The following FBRSL1 variants were observed in gnomAD, a reference collection of about 807,000 sequenced individuals.
The protein encoded by FBRSL1 is fibrosin-1-like protein.
A neutral mutation model predicts 89.6 loss-of-function variants in FBRSL1; 51 were observed. The observed-to-expected ratio is 0.57, with a 90% CI of 0.45 to 0.72. The LOEUF (loss-of-function observed/expected upper bound fraction) is 0.72, where lower values mean the gene tolerates loss of function less well. Ranked by LOEUF, FBRSL1 falls within the 30% of genes least tolerant of loss-of-function variation. The probability of loss-of-function intolerance (pLI) is 0.00; values close to 1 mark genes in which losing one functional copy is unlikely to be tolerated. For missense variants in FBRSL1, 1,618 were observed against 1,451.8 expected, an observed-to-expected ratio of 1.11 and a Z score of -1.86; for synonymous variants, 779 against 681.1, an observed-to-expected ratio of 1.14 and a Z score of -2.24.
intron 15 of FBRSL1, among the ~76,000 whole-genome samples, chr12:132,577,962 G>A (rs1170671591): frequency 6.6e-6 from 1 of 152,226 alleles, no homozygotes; most frequent in Non-Finnish European, 1.5e-5. Flanking sequence ...CGTGAAGCAT[G>A]AGCATCCACA....
intron 15 of FBRSL1, 120 bp downstream of exon 15, chr12:132,577,051 C>G: frequency 7.5e-7 from 1 of 1,337,880 alleles, no homozygotes; most frequent in Non-Finnish European, 1.0e-6. Context: ...GCCTTTGCTT[C>G]TTGATGCTCA....
In FBRSL1 at chr12:132,583,125, C is replaced by G. The variant is rs560489798; in HGVS notation, c.2356C>G (p.Arg786Gly). 301 of 1,460,938 alleles carry G rather than the reference C, an allele frequency of 2.1e-4. 3 individuals are homozygous for G. The South Asian group carries it at 2.7e-3, about 13-fold the overall frequency. 90.5% of individuals were successfully genotyped at this position (1,460,938 alleles called of 1,614,324 possible). A position where few individuals can be genotyped will look rare whatever the true frequency, so the allele number is the denominator to read the frequency against. Residue 786 changes from arginine to glycine, a missense_variant, in exon 19 of 19, where the codon CGC becomes GGC. Arg to Gly is a moderately radical substitution (Grantham distance 125, BLOSUM62 -2). Transcript: ENST00000680143. ...GGCCGAACCTCGGGTCAAGGAGAGC[C>G]GCTCCCCGGCCAAGGAGGAGGCCGC... The part of the protein sequence containing the change: ...REAEPRVKES[R>G]SPAKEEAAKM...
intron 2 of FBRSL1, among the ~76,000 whole-genome samples, chr12:132,517,332 G>A (rs1046988523): frequency 6.6e-6 from 1 of 152,218 alleles, no homozygotes; most frequent in Non-Finnish European, 1.5e-5. Context: ...TGAGCACCTG[G>A]GCCTAGCAGG....
Position 132,560,787 on chromosome 12 carries a change from C to G in FBRSL1, c.646-6694C>G, listed in dbSNP as rs556710852. On this transcript the variant is annotated intron_variant, in intron 5 of 18. Transcript: ENST00000680143. ...AGCCTGCGGACCCGGAGTCCTCCCA[C>G]CTGTACCCTGGGCTTGAGTGATCCT... is the stretch of plus-strand genomic sequence containing the variant. Among the ~76,000 whole-genome samples the G allele has an allele frequency of 5.9e-5, 9 of 152,362 alleles. No homozygotes were observed. In the East Asian group the frequency reaches 1.5e-3, roughly 26 times the overall value.
chr12:132,566,100 T>C (rs10870469), intron 5 of FBRSL1: 77,758 of 151,590 alleles, frequency 0.51, 20,542 homozygotes, highest in East Asian at 0.85. Flanking sequence ...GGCCCAGTTC[T>C]GCAGCAGACA....
intron 5 of FBRSL1, among the ~76,000 whole-genome samples, chr12:132,558,264 G>A (rs1391239504): frequency 1.3e-5 from 2 of 152,204 alleles, no homozygotes; most frequent in African/African-American, 4.8e-5. Context: ...CTTCCCAGGG[G>A]AGTGTCCCTG....
Position 132,546,059 on chromosome 12 carries a change from C to A in FBRSL1, c.616-1944C>A, listed in dbSNP as rs2037659998. 6.6e-6 allele frequency among the ~76,000 whole-genome samples: 1 copy of A among 152,234 alleles called. No homozygotes were observed. Among genetic ancestry groups the A allele is most frequent in the Non-Finnish European group, 1.5e-5 (1 of 68,052 alleles). ...ACAGTCTCGGCTCCTGCTTTGCCCT[C>A]TTCCGGTCCCCTCAGCCCTGGCGTG... On this transcript the variant is annotated intron_variant, in intron 4 of 18. Transcript: ENST00000680143. The surrounding 1 kb of genome is among the most constrained non-coding windows in gnomAD (Gnocchi z 4.0).
At chr12:132,579,060 C>T (rs2040574370) in intron 15 of FBRSL1, among the ~76,000 whole-genome samples, 1 of 151,458 alleles carries the variant, frequency 6.6e-6, no homozygotes, top group African/African-American at 2.4e-5. Context: ...GCCTCCCCTT[C>T]CCTCCTCTGG....
In FBRSL1 at chr12:132,583,314, G is replaced by C; in HGVS notation, c.2545G>C (p.Gly849Arg). 2.5e-6 allele frequency: 3 copies of C among 1,192,460 alleles called. No homozygotes were observed. Among genetic ancestry groups the C allele is most frequent in the Non-Finnish European group, 3.1e-6 (3 of 960,272 alleles). The allele number at this position is 1,192,460 out of a possible 1,614,324, so 73.9% of individuals were successfully genotyped here. ...GLGRERLGAP[G>R]FAWEPFRGLE... The stretch of plus-strand genomic sequence containing the variant: ...GGGCCGCGAGCGCCTGGGCGCGCCG[G>C]GCTTCGCGTGGGAGCCTTTCCGCGG... The change falls in exon 19 of 19, where the codon GGC (glycine) becomes CGC (arginine). Residue 849 changes from glycine (G) to arginine (R), a missense_variant. Transcript: ENST00000680143.
At chr12:132,521,930 G>C (rs1277170938) in intron 2 of FBRSL1, among the ~76,000 whole-genome samples, 1 of 152,200 alleles carries the variant, frequency 6.6e-6, no homozygotes, top group Non-Finnish European at 1.5e-5. Flanking sequence ...GGCGGGTCTG[G>C]GGAGCAGGTG....
intron 4 of FBRSL1, among the ~76,000 whole-genome samples, chr12:132,541,026 T>TG (rs1244878886): frequency 6.7e-6 from 1 of 150,048 alleles, no homozygotes; most frequent in Non-Finnish European, 1.5e-5. Flanking sequence ...ACTGTGAGCC[T>TG]GGGGGGCAGA....
chr12:132,571,169 C>G lies in FBRSL1; in HGVS notation c.1315C>G (p.Pro439Ala). 7.0e-7 allele frequency: 1 copy of G among 1,424,788 alleles called. No homozygotes were observed. The highest frequency in any genetic ancestry group is 2.5e-5 in the East Asian group (1 of 39,432). The allele number at this position is 1,424,788 out of a possible 1,614,324, so 88.3% of individuals were successfully genotyped here. ...TWSQAPLLPA[P>A]LGPHVASGHP... ...GTCACAGGCTCCTCTCTTACCTGCACCCCTGGGCCCGCACGTGGCGAGCGG... is the reference window on the plus strand; with the variant it reads ...GTCACAGGCTCCTCTCTTACCTGCAGCCCTGGGCCCGCACGTGGCGAGCGG... Residue 439 changes from proline to alanine, a missense_variant, in exon 9 of 19, where the codon CCC (proline) becomes GCC (alanine). Coordinates refer to ENST00000680143, the MANE Select transcript of FBRSL1 (RefSeq NM_001367871.1).
intron 15 of FBRSL1, chr12:132,580,901 C>T: frequency 1.0e-6 from 1 of 985,460 alleles, no homozygotes; most frequent in Non-Finnish European, 1.2e-6. Flanking sequence ...CACGGTTGCT[C>T]TCCAAGGGTT....
intron 4 of FBRSL1, among the ~76,000 whole-genome samples, chr12:132,531,001 G>C (rs549981253): frequency 6.6e-6 from 1 of 150,582 alleles, no homozygotes; most frequent in African/African-American, 2.4e-5. Context: ...GTGTGGGGGG[G>C]GGGGTGCAGG....
rs59259012 is a variant in FBRSL1 at position 132,526,236 on chromosome 12, G to A, written c.579+413G>A. ...GCGGACGGCCGCCGAGTCTTGAGAT[G>A]GGCACTGGCGGGGCAGTGGGGAGGT... On this transcript the variant is annotated intron_variant, in intron 3 of 18. Transcript: ENST00000680143. Among the ~76,000 whole-genome samples the A allele has an allele frequency of 0.012, 1,777 of 152,352 alleles. 46 individuals are homozygous for A. The East Asian group carries it at 0.12, about 10-fold the overall frequency.
intron 9 of FBRSL1, chr12:132,571,673 A>G (rs12311310): frequency 0.11 from 54,644 of 514,468 alleles, 3,386 homozygotes; most frequent in African/African-American, 0.18. Context: ...CCGGTCCCCA[A>G]CGTGCCTTCT....
Position 132,517,114 on chromosome 12 carries a change from A to T in FBRSL1, c.490-8620A>T, listed in dbSNP as rs553236677. Among the ~76,000 whole-genome samples, 10 of 152,258 alleles carry T rather than the reference A, an allele frequency of 6.6e-5. No individual in the cohort carries two copies. The South Asian group carries it at 2.1e-3, about 32-fold the overall frequency. On this transcript the variant is annotated intron_variant, in intron 2 of 18. Coordinates refer to ENST00000680143, the MANE Select transcript of FBRSL1 (RefSeq NM_001367871.1). ...CCTCCTGTGCAGGGCCTGTGGAGAG[A>T]GGCACTCAGTTAATCAGTGCCTTAG...
rs569801208 is a variant in FBRSL1, at chr12:132,567,593, G to A, written c.691+67G>A. 64 of 1,469,250 alleles carry A rather than the reference G, an allele frequency of 4.4e-5. 1 individual carries two copies. In the East Asian group the frequency reaches 4.4e-4, roughly 10 times the overall value. 91.0% of individuals were successfully genotyped at this position (1,469,250 alleles called of 1,614,324 possible). On this transcript the variant is annotated intron_variant, in intron 6 of 18. Transcript: ENST00000680143. Reference sequence around the variant, plus strand: ...GACACAATGCGCCCTGCGTCTTGGCGGCAGGACATCCCCCTGAAGTCAGGG... The same window carrying A: ...GACACAATGCGCCCTGCGTCTTGGCAGCAGGACATCCCCCTGAAGTCAGGG...
intron 4 of FBRSL1, among the ~76,000 whole-genome samples, chr12:132,537,296 C>T (rs2036844338): frequency 6.6e-6 from 1 of 152,116 alleles, no homozygotes; most frequent in African/African-American, 2.4e-5. Context: ...CTGTTCCTGT[C>T]CAGTGTGTGA....
Sources: gnomAD v4.1 joint callset for allele counts (sites outside exome capture counted in the v4.1 genomes callset) on GRCh38, gnomAD v4.1.1 for gene constraint, Gnocchi (gnomAD v3.1) non-coding constraint, MANE v1.5 for transcripts, NCBI Gene and HGNC (gene_info 2026-07-23, HGNC 2026-07-21) for gene names.